Variants in PABPC1 observed in about 807,000 individuals in gnomAD.
The protein encoded by PABPC1 is poly(A) binding protein cytoplasmic 1.
A neutral mutation model predicts 74.0 loss-of-function variants in PABPC1; 4 were observed. The ratio of observed to expected loss-of-function variants is 0.05; its 90% CI spans 0.03 to 0.12. The LOEUF (loss-of-function observed/expected upper bound fraction) is 0.12. Ranked by LOEUF, PABPC1 falls within the 10% of genes least tolerant of loss-of-function variation. The probability of loss-of-function intolerance (pLI) is 1.00; values close to 1 mark genes in which losing one functional copy is unlikely to be tolerated. For missense variants in PABPC1, 271 were observed against 821.1 expected (o/e 0.33, Z 8.19); for synonymous variants, 227 against 264.1 (o/e 0.86, Z 1.36).
chr8:100,712,554 C>T (rs1810555622), intron 6 of PABPC1, 97 bp from the exon 7 acceptor site: 2 of 1,479,514 alleles, frequency 1.4e-6, no homozygotes, highest in Non-Finnish European at 1.8e-6. Flanking sequence ...TCTCCTATTC[C>T]CCTCTCAAAC....
In PABPC1 at chr8:100,721,894, AC is replaced by A. The variant is rs1810844306; in HGVS notation, c.-312del. The A allele has an allele frequency of 6.5e-6, 2 of 308,518 alleles. No individual in the cohort carries two copies. Among genetic ancestry groups the A allele is most frequent in the Non-Finnish European group, 1.2e-5 (2 of 168,980 alleles). The allele number at this position is 308,518 out of a possible 1,614,324, so 19.1% of individuals were successfully genotyped here. On this transcript the variant is annotated 5_prime_UTR_variant, in exon 1 of 15. Transcript: ENST00000318607. The surrounding 1 kb of genome is among the most constrained non-coding windows in gnomAD (Gnocchi z 7.4). ...CGGGCGGGTCGGTCTCGGCTGCTTC[AC>A]CGGGTTATTTTATAAAAGAGGAAGA...
intron 4 of PABPC1, among the ~76,000 whole-genome samples, chr8:100,714,767 A>G (rs1810622954): frequency 6.6e-6 from 1 of 152,192 alleles, no homozygotes; most frequent in Non-Finnish European, 1.5e-5. Context: ...TATTTGACAT[A>G]TTAAAAAAAG....
At position 100,721,365 on chromosome 8, in the gene PABPC1, G is replaced by C. The variant is rs774144569; in HGVS notation, c.193+26C>G. On this transcript the variant is annotated intron_variant, in intron 1 of 14. Transcript: ENST00000318607. This position sits in a 1 kb window ranked among gnomAD's most constrained non-coding sequence, Gnocchi z 7.4. Reference sequence around the variant, plus strand: ...GAGCCTCATGGCCGCCCGCCCGCCCGGCCGACCGCGGAGCCCGGCGCTCAC... The same window carrying C: ...GAGCCTCATGGCCGCCCGCCCGCCCCGCCGACCGCGGAGCCCGGCGCTCAC... 5.8e-6 allele frequency: 8 copies of C among 1,384,596 alleles called. No homozygotes were observed. The South Asian group carries it at 1.3e-4, about 23-fold the overall frequency. 85.8% of individuals were successfully genotyped at this position (1,384,596 alleles called of 1,614,324 possible). A position where few individuals can be genotyped will look rare whatever the true frequency, so the allele number is the denominator to read the frequency against.
intron 7 of PABPC1, among the ~76,000 whole-genome samples, chr8:100,711,918 A>G (rs1481746390): frequency 6.6e-6 from 1 of 152,256 alleles, no homozygotes; most frequent in African/African-American, 2.4e-5. Flanking sequence ...AAGATTTCAG[A>G]ATTTGTACTA....
chr8:100,718,425 C>CGA (rs1810727045), intron 1 of PABPC1, 145 bp from the exon 2 acceptor site: 3 of 638,436 alleles, frequency 4.7e-6, no homozygotes, highest in Admixed American at 3.0e-5. Flanking sequence ...ATGGCTAGAC[C>CGA]TTTCAAGTAT....
At chr8:100,704,497 A>C (rs189862122) in intron 13 of PABPC1, 107 bp from the exon 14 acceptor site, 2 of 943,082 alleles carry the variant, frequency 2.1e-6, no homozygotes, top group South Asian at 2.8e-5. Context: ...CTTCCCTCAA[A>C]TGAAAGTATA....
At chr8:100,714,878 T>A (rs1042267998) in intron 4 of PABPC1, among the ~76,000 whole-genome samples, 1 of 152,236 alleles carries the variant, frequency 6.6e-6, no homozygotes, top group Admixed American at 6.5e-5. Context: ...TACCCCTACC[T>A]AAACTAAGGC....
At chr8:100,716,614 T>C (rs1018729724) in intron 3 of PABPC1, among the ~76,000 whole-genome samples, 1 of 152,380 alleles carries the variant, frequency 6.6e-6, no homozygotes, top group Non-Finnish European at 1.5e-5. Flanking sequence ...TTCGCTATGC[T>C]ATTAGTTTCA....
intron 9 of PABPC1, among the ~76,000 whole-genome samples, chr8:100,707,537 C>T (rs916274280): frequency 6.6e-5 from 10 of 152,324 alleles, no homozygotes; most frequent in South Asian, 2.1e-4. Flanking sequence ...AGACAGCTTA[C>T]GCCATTGTTT....
chr8:100,707,443 G>A (rs1319532522), intron 9 of PABPC1, among the ~76,000 whole-genome samples: 1 of 152,206 alleles, frequency 6.6e-6, no homozygotes, highest in East Asian at 1.9e-4. Flanking sequence ...TGATAGGTAA[G>A]GTCACGTGGG....
At chr8:100,714,543 C>T (rs987219020) in intron 4 of PABPC1, among the ~76,000 whole-genome samples, 2 of 151,954 alleles carry the variant, frequency 1.3e-5, no homozygotes, top group Non-Finnish European at 2.9e-5. Flanking sequence ...CCAGCCTGGC[C>T]ATCACGGTGA....
At chr8:100,705,781 A>G in intron 11 of PABPC1, 108 bp from the exon 12 acceptor site, 1 of 738,606 alleles carries the variant, frequency 1.4e-6, no homozygotes, top group Non-Finnish European at 2.4e-6. Flanking sequence ...TCGAAACATG[A>G]GGTGGAGAAG....
At position 100,718,140 on chromosome 8, in the gene PABPC1, T is replaced by C; in HGVS notation, c.334A>G (p.Asn112Asp). ...FIKNLDKSID[N>D]KALYDTFSAF... ...GAAAATGTATCATACAGTGCTTTAT[T>C]ATCAATGGATTTGTCCAGATTTTTA... Residue 112 changes from asparagine (N) to aspartate (D), a missense_variant, in exon 2 of 15, where the codon AAT becomes GAT. Around this residue, in one of 7 missense-constraint regions of PABPC1, gnomAD observed 47 missense variants for 214.1 expected, o/e 0.22. Coordinates refer to ENST00000318607, the MANE Select transcript of PABPC1 (RefSeq NM_002568.4). The C allele has an allele frequency of 6.2e-7, 1 of 1,614,246 alleles. No homozygotes were observed. The highest frequency in any genetic ancestry group is 1.1e-5 in the South Asian group (1 of 91,088).
Position 100,706,817 on chromosome 8 carries a change from G to A in PABPC1, c.1448-12C>T, listed in dbSNP as rs1401137771. On this transcript the variant is annotated splice_polypyrimidine_tract_variant and intron_variant, in intron 10 of 14. Transcript: ENST00000318607. Reference sequence around the variant, plus strand: ...TGTTGATGTGTTAGCTAAAAAATAAGAACATTTTGTATTTTTATCTTGCTC... The same window carrying A: ...TGTTGATGTGTTAGCTAAAAAATAAAAACATTTTGTATTTTTATCTTGCTC... 1 of 1,179,030 alleles carries A rather than the reference G, an allele frequency of 8.5e-7. No homozygotes were observed. Among genetic ancestry groups the A allele is most frequent in the East Asian group, 4.7e-5 (1 of 21,076 alleles). The allele number at this position is 1,179,030 out of a possible 1,614,324, so 73.0% of individuals were successfully genotyped here. A position where few individuals can be genotyped will look rare whatever the true frequency, so the allele number is the denominator to read the frequency against.
intron 9 of PABPC1, 22 bp downstream of exon 9, chr8:100,709,110 TA>T: frequency 6.4e-7 from 1 of 1,573,966 alleles, no homozygotes; most frequent in Non-Finnish European, 8.7e-7. Flanking sequence ...TCCCCAACCT[TA>T]ATTAAAAGAA....
Position 100,703,198 on chromosome 8 carries a change from T to C in PABPC1, c.*163A>G, listed in dbSNP as rs1227587209. 1.8e-5 allele frequency: 3 copies of C among 167,066 alleles called. No individual in the cohort carries two copies. Among genetic ancestry groups the C allele is most frequent in the African/African-American group, 7.2e-5 (3 of 41,486 alleles). 10.3% of individuals were successfully genotyped at this position (167,066 alleles called of 1,614,324 possible). A position where few individuals can be genotyped will look rare whatever the true frequency, so the allele number is the denominator to read the frequency against. Reference sequence around the variant, plus strand: ...AATCTAGGACTAGCATTATGTTTGCTAGACCTGGCATTTGCTCGGTACATA... The same window carrying C: ...AATCTAGGACTAGCATTATGTTTGCCAGACCTGGCATTTGCTCGGTACATA... On this transcript the variant is annotated 3_prime_UTR_variant, in exon 15 of 15. Transcript: ENST00000318607.
rs1191234246 is a variant in PABPC1, at chr8:100,705,061, G to T, written c.1688-5C>A. 24 of 1,599,736 alleles carry T rather than the reference G, an allele frequency of 1.5e-5. No individual in the cohort carries two copies. Among genetic ancestry groups the T allele is most frequent in the Non-Finnish European group, 2.0e-5 (23 of 1,175,056 alleles). On this transcript the variant is annotated splice_region_variant and splice_polypyrimidine_tract_variant and intron_variant, in intron 12 of 14. Coordinates refer to ENST00000318607, the MANE Select transcript of PABPC1 (RefSeq NM_002568.4). ...TAAGAGGAAACAGCCGTTCACCTAG[G>T]AACAGAAACATTCAAAAACTCCCTT...
chr8:100,712,804 AAAAG>A lies in PABPC1; in HGVS notation c.739-19_739-16del. The A allele has an allele frequency of 6.6e-7, 1 of 1,505,384 alleles. No individual in the cohort carries two copies. The allele number at this position is 1,505,384 out of a possible 1,614,324, so 93.3% of individuals were successfully genotyped here. On this transcript the variant is annotated splice_polypyrimidine_tract_variant and intron_variant, in intron 5 of 14. Coordinates refer to ENST00000318607, the MANE Select transcript of PABPC1 (RefSeq NM_002568.4). ...TCATCCACAGCCTTCCCCCCAAAAA[AAAAG>A]AAAAAAAAAAAATCACAAAACTTTC...
chr8:100,708,541 A>G (rs904012760), intron 9 of PABPC1, among the ~76,000 whole-genome samples: 1 of 152,220 alleles, frequency 6.6e-6, no homozygotes, highest in Non-Finnish European at 1.5e-5. Context: ...ATTCTCATAC[A>G]TGATTAAATG....
Sources: gnomAD v4.1 joint callset for allele counts (sites outside exome capture counted in the v4.1 genomes callset) on GRCh38, gnomAD v4.1.1 for gene constraint, gnomAD v4.1.1 regional missense constraint, Gnocchi (gnomAD v3.1) non-coding constraint, MANE v1.5 for transcripts, NCBI Gene and HGNC (gene_info 2026-07-23, HGNC 2026-07-21) for gene names.